The following CIMIP3 variants were observed in gnomAD, a reference collection of about 807,000 sequenced individuals.
CIMIP3 encodes ciliary microtubule inner protein 3.
chr6:42,161,580 C>T, the CIMIP3 span, among the ~76,000 whole-genome samples: 1 of 152,096 alleles, frequency 6.6e-6, no homozygotes, highest in Admixed American at 6.6e-5. Flanking sequence ...AAATAAATGT[C>T]AATGTGAGGC....
At chr6:42,157,545 G>A in the CIMIP3 span, among the ~76,000 whole-genome samples, 1 of 150,196 alleles carries the variant, frequency 6.7e-6, no homozygotes, top group African/African-American at 2.5e-5. Context: ...CCATGGTGCC[G>A]GCTCTTTTTT....
chr6:42,159,666 C>A, the CIMIP3 span, among the ~76,000 whole-genome samples: 2 of 152,216 alleles, frequency 1.3e-5, no homozygotes, highest in Non-Finnish European at 2.9e-5. Flanking sequence ...ACCCAGCACA[C>A]CTGGCAGGAG....
chr6:42,158,775 A>G, the CIMIP3 span, among the ~76,000 whole-genome samples: 3 of 152,196 alleles, frequency 2.0e-5, no homozygotes, highest in African/African-American at 7.2e-5. Flanking sequence ...CAGATCCTCA[A>G]TCCTGTGAGT....
chr6:42,159,796 C>T, the CIMIP3 span, among the ~76,000 whole-genome samples: 1 of 152,218 alleles, frequency 6.6e-6, no homozygotes, highest in Non-Finnish European at 1.5e-5. Flanking sequence ...TGTGGAAAGA[C>T]CTGGGTTCAA....
At chr6:42,161,093 CAGG>C in the CIMIP3 span, among the ~76,000 whole-genome samples, 17 of 152,282 alleles carry the variant, frequency 1.1e-4, no homozygotes, top group East Asian at 2.3e-3. Context: ...GAGGGTGAGG[CAGG>C]AGAATTGCTT....
At chr6:42,162,090 CTTTTT>C in the CIMIP3 span, among the ~76,000 whole-genome samples, 5 of 63,086 alleles carry the variant, frequency 7.9e-5, no homozygotes, top group Non-Finnish European at 5.8e-5. Context: ...AAGCCACATT[CTTTTT>C]TTTTTTTTTT....
the CIMIP3 span, among the ~76,000 whole-genome samples, chr6:42,156,982 C>T: frequency 1.3e-5 from 2 of 152,202 alleles, no homozygotes; most frequent in Non-Finnish European, 2.9e-5. Context: ...TCTCACTGGG[C>T]AAGGCCATGT....
chr6:42,160,498 C>A, the CIMIP3 span, among the ~76,000 whole-genome samples: 2 of 152,228 alleles, frequency 1.3e-5, no homozygotes, highest in African/African-American at 4.8e-5. Flanking sequence ...GAGCCGTTTA[C>A]AGCCTGTTGG....
chr6:42,155,491 A>G, the CIMIP3 span: 1 of 715,020 alleles, frequency 1.4e-6, no homozygotes, highest in African/African-American at 1.7e-5. Flanking sequence ...GCAAGGTGTG[A>G]TGAAATCACA....
At chr6:42,163,178 C>A in the CIMIP3 span, 1 of 617,068 alleles carries the variant, frequency 1.6e-6, no homozygotes, top group Non-Finnish European at 3.0e-6. Context: ...CTACCTGTAC[C>A]GCCGGGACAC....
chr6:42,156,858 T>G, the CIMIP3 span, among the ~76,000 whole-genome samples: 1 of 152,214 alleles, frequency 6.6e-6, no homozygotes, highest in Non-Finnish European at 1.5e-5. Context: ...CAAGGCACAT[T>G]GGACAGCACC....
the CIMIP3 span, among the ~76,000 whole-genome samples, chr6:42,162,151 C>A: frequency 2.9e-5 from 4 of 139,682 alleles, no homozygotes; most frequent in Non-Finnish European, 3.0e-5. Context: ...CAGTGGCTCA[C>A]GCCTGTTATC....
chr6:42,162,405 A>G, the CIMIP3 span, among the ~76,000 whole-genome samples: 7 of 115,816 alleles, frequency 6.0e-5, no homozygotes, highest in Non-Finnish European at 1.2e-4. Flanking sequence ...ACAAGAGCGA[A>G]ACTCTTTTTT....
chr6:42,163,243 C>A, the CIMIP3 span: 1 of 576,194 alleles, frequency 1.7e-6, no homozygotes. Flanking sequence ...TCTTGTGGCG[C>A]TCCTAGGCCT....
the CIMIP3 span, among the ~76,000 whole-genome samples, chr6:42,162,749 G>A: frequency 6.6e-6 from 1 of 152,160 alleles, no homozygotes; most frequent in Non-Finnish European, 1.5e-5. Context: ...GGACCCTGAT[G>A]GCTCTCCCCT....
At chr6:42,161,759 A>G in the CIMIP3 span, among the ~76,000 whole-genome samples, 1 of 152,084 alleles carries the variant, frequency 6.6e-6, no homozygotes. Flanking sequence ...GTGAGCGGGT[A>G]CCCCTTACTA....
At chr6:42,162,166 C>T in the CIMIP3 span, among the ~76,000 whole-genome samples, 3 of 142,668 alleles carry the variant, frequency 2.1e-5, no homozygotes, top group African/African-American at 7.9e-5. Flanking sequence ...GTTATCCCAG[C>T]ACTTTGGGAG....
the CIMIP3 span, chr6:42,163,247 T>C: frequency 3.5e-6 from 2 of 575,400 alleles, no homozygotes; most frequent in Non-Finnish European, 6.4e-6. Context: ...GTGGCGCTCC[T>C]AGGCCTGAGC....
the CIMIP3 span, chr6:42,155,670 A>T: frequency 4.2e-6 from 3 of 715,994 alleles, no homozygotes; most frequent in African/African-American, 5.2e-5. Flanking sequence ...CAGCTGTCGG[A>T]CCTCTGCGAT....
Sources: allele counts gnomAD v4.1 joint callset (sites outside exome capture counted in the v4.1 genomes callset), GRCh38; gene constraint gnomAD v4.1.1; transcripts MANE v1.5; gene names NCBI Gene and HGNC (gene_info 2026-07-23, HGNC 2026-07-21).